The following VPS13B variants were observed in gnomAD, a reference collection of about 807,000 sequenced individuals.
VPS13B encodes the protein intermembrane lipid transfer protein VPS13B.
VPS13B carries 285 observed loss-of-function variants against 426.4 expected under a neutral mutation model. That is an observed-to-expected ratio of 0.67 (90% CI 0.61 to 0.74). VPS13B has a LOEUF of 0.74. VPS13B is among the 30% of genes least tolerant of loss of function. The pLI is 0.00. For missense variants in VPS13B, 4,537 were observed against 4,782.6 expected, an observed-to-expected ratio of 0.95 and a Z score of 1.51; for synonymous variants, 1,676 against 1,676.4, an observed-to-expected ratio of 1.00 and a Z score of 0.01.
chr8:99,349,839 A>G (rs919423795), intron 19 of VPS13B, among the ~76,000 whole-genome samples: 3 of 152,086 alleles, frequency 2.0e-5, no homozygotes, highest in Non-Finnish European at 2.9e-5. Context: ...TTCAGTATAT[A>G]CGTATTTTTT....
intron 21 of VPS13B, among the ~76,000 whole-genome samples, chr8:99,427,819 G>T (rs1381357068): frequency 6.6e-6 from 1 of 151,850 alleles, no homozygotes; most frequent in Non-Finnish European, 1.5e-5. Flanking sequence ...AAAAGAGCCC[G>T]CATTGCCAAG....
At chr8:99,771,903 C>T (rs1439530080) in intron 40 of VPS13B, among the ~76,000 whole-genome samples, 1 of 152,198 alleles carries the variant, frequency 6.6e-6, no homozygotes, top group Admixed American at 6.5e-5. Flanking sequence ...CCAGAAAATT[C>T]TTTCCTTTAC....
chr8:99,274,193 A>G lies in VPS13B; in HGVS notation c.2516-5A>G, dbSNP rs756282496. On this transcript the variant is annotated splice_region_variant and splice_polypyrimidine_tract_variant and intron_variant, in intron 17 of 61. Coordinates refer to ENST00000357162, the MANE Select transcript of VPS13B (RefSeq NM_152564.5). ...GCTAGTACATTTGCAGTTTTCTTTT[A>G]TTAGGTGTGAAATCTAAGAATCCCC... is the stretch of plus-strand genomic sequence containing the variant. 1 of 1,614,094 alleles carries G rather than the reference A, an allele frequency of 6.2e-7. No homozygotes were observed.
chr8:99,698,483 C>G (rs1285365218), intron 35 of VPS13B, among the ~76,000 whole-genome samples: 1 of 152,196 alleles, frequency 6.6e-6, no homozygotes, highest in Non-Finnish European at 1.5e-5. Context: ...ATCTTGATTT[C>G]TAGATATTGG....
At chr8:99,437,542 A>G (rs1029869843) in intron 22 of VPS13B, among the ~76,000 whole-genome samples, 3 of 151,960 alleles carry the variant, frequency 2.0e-5, no homozygotes, top group African/African-American at 7.3e-5. Flanking sequence ...ACATGGTGAA[A>G]TCCCGTGTCT....
chr8:99,793,727 G>A (rs373237184), intron 43 of VPS13B, among the ~76,000 whole-genome samples: 5 of 152,160 alleles, frequency 3.3e-5, no homozygotes, highest in African/African-American at 1.2e-4. Flanking sequence ...CAGAGTAATC[G>A]TGACAACCAT....
At chr8:99,262,561 C>T (rs1818099523) in intron 17 of VPS13B, among the ~76,000 whole-genome samples, 1 of 152,054 alleles carries the variant, frequency 6.6e-6, no homozygotes, top group Non-Finnish European at 1.5e-5. Flanking sequence ...TCACTTTCTC[C>T]CTTTATTCTT....
At chr8:99,123,695 A>T (rs984834878) in intron 8 of VPS13B, among the ~76,000 whole-genome samples, 7 of 151,874 alleles carry the variant, frequency 4.6e-5, no homozygotes, top group Non-Finnish European at 7.4e-5. Context: ...TGTGTTTTGG[A>T]TGTGTTTTGA....
chr8:99,693,295 A>C (rs1478885167), intron 35 of VPS13B, among the ~76,000 whole-genome samples: 1 of 150,420 alleles, frequency 6.6e-6, no homozygotes, highest in Admixed American at 6.6e-5. Flanking sequence ...AAAAATCCTC[A>C]GTAAAATACT....
intron 19 of VPS13B, among the ~76,000 whole-genome samples, chr8:99,366,446 C>T (rs534984172): frequency 6.6e-6 from 1 of 151,704 alleles, no homozygotes; most frequent in East Asian, 1.9e-4. Flanking sequence ...TTTCTTTTTC[C>T]ACCCCTTCAT....
At chr8:99,114,905 A>G (rs1444652474) in intron 6 of VPS13B, among the ~76,000 whole-genome samples, 1 of 152,172 alleles carries the variant, frequency 6.6e-6, no homozygotes, top group East Asian at 1.9e-4. Flanking sequence ...ACAGCAGGAA[A>G]CCATTACACT....
chr8:99,297,284 A>T lies in VPS13B; in HGVS notation c.2824+22030A>T, dbSNP rs181518862. Reference sequence around the variant, plus strand: ...AGGCAGCCCTTTTTGAGATGCGCATAGGAGCTCTGCATTGGTTTTTCACTA... The same window carrying T: ...AGGCAGCCCTTTTTGAGATGCGCATTGGAGCTCTGCATTGGTTTTTCACTA... On this transcript the variant is annotated intron_variant, in intron 19 of 61. Coordinates refer to ENST00000357162, the MANE Select transcript of VPS13B (RefSeq NM_152564.5). 2.6e-4 allele frequency among the ~76,000 whole-genome samples: 39 copies of T among 152,268 alleles called. 1 individual carries two copies. In the East Asian group the frequency reaches 5.8e-3, roughly 23 times the overall value.
At position 99,734,505 on chromosome 8, in the gene VPS13B, G is replaced by A. The variant is rs183786010; in HGVS notation, c.7050+13458G>A. On this transcript the variant is annotated intron_variant, in intron 39 of 61. Transcript: ENST00000357162. ...AGTAAGTGTTATAACTAAAGGCAGG[G>A]ATGGGAGTTGATATAATAGGAGATG... Among the ~76,000 whole-genome samples, 961 of 152,306 alleles carry A rather than the reference G, an allele frequency of 6.3e-3. 8 individuals carry two copies. Among genetic ancestry groups the A allele is most frequent in the African/African-American group, 0.022 (903 of 41,560 alleles).
intron 2 of VPS13B, among the ~76,000 whole-genome samples, chr8:99,029,012 C>A (rs1842340745): frequency 6.6e-6 from 1 of 151,426 alleles, no homozygotes; most frequent in Non-Finnish European, 1.5e-5. Context: ...GGGCTCCTCA[C>A]TTCTCAGACG....
rs997558523 is a variant in VPS13B at position 99,033,024 on chromosome 8, A to G, written c.148-5399A>G. ...ATTGCATCTTGTTAAAAGTTCAACT[A>G]TACAATTTTATCATTATTGTTTTAT... On this transcript the variant is annotated intron_variant, in intron 2 of 61. Transcript: ENST00000357162. Among the ~76,000 whole-genome samples the G allele has an allele frequency of 9.8e-5, 15 of 152,322 alleles. No homozygotes were observed. The East Asian group carries it at 2.1e-3, about 22-fold the overall frequency.
rs2132125423 is a variant in VPS13B, at chr8:99,013,848, C to A, written c.60C>A (p.Asn20Lys). The change falls in exon 2 of 62, where the codon AAC becomes AAA. Residue 20 changes from asparagine to lysine, a missense_variant. By Grantham distance (94) the Asn-to-Lys change is moderately conservative. Coordinates refer to ENST00000357162, the MANE Select transcript of VPS13B (RefSeq NM_152564.5). ...GCTATGTGAATCGCTACATCAAGAA[C>A]TTAAAGCCGTCGGATCTACAGCTTT... The part of the protein sequence containing the change: ...LMSYVNRYIK[N>K]LKPSDLQLSL... The A allele has an allele frequency of 2.5e-6, 4 of 1,614,198 alleles. No homozygotes were observed. The highest frequency in any genetic ancestry group is 3.4e-6 in the Non-Finnish European group (4 of 1,180,034).
intron 24 of VPS13B, among the ~76,000 whole-genome samples, chr8:99,472,561 T>A (rs1819470606): frequency 6.6e-6 from 1 of 151,700 alleles, no homozygotes; most frequent in African/African-American, 2.4e-5. Context: ...AATATAACTT[T>A]AAAGACATAT....
intron 39 of VPS13B, among the ~76,000 whole-genome samples, chr8:99,752,590 G>C (rs1810455574): frequency 6.6e-6 from 1 of 152,134 alleles, no homozygotes; most frequent in Non-Finnish European, 1.5e-5. Context: ...CCTAGATCTA[G>C]CCTAAATATT....
intron 36 of VPS13B, among the ~76,000 whole-genome samples, chr8:99,705,866 G>A (rs1832476841): frequency 2.6e-5 from 4 of 152,076 alleles, no homozygotes. Flanking sequence ...GTATTTCAAA[G>A]CTGCATAAAA....
Sources: gnomAD v4.1 joint callset for allele counts (sites outside exome capture counted in the v4.1 genomes callset) on GRCh38, gnomAD v4.1.1 for gene constraint, MANE v1.5 for transcripts, NCBI Gene and HGNC (gene_info 2026-07-23, HGNC 2026-07-21) for gene names.